The following PRR12 variants were observed in gnomAD, a reference collection of about 807,000 sequenced individuals.
PRR12 encodes proline-rich protein 12.
PRR12 carries 12 observed loss-of-function variants against 138.0 expected under a neutral mutation model. That is an observed-to-expected ratio of 0.09 (90% CI 0.06 to 0.14). PRR12 has a LOEUF of 0.14. PRR12 is among the 10% of genes least tolerant of loss of function. PRR12 has a pLI of 1.00. For synonymous variants in PRR12, 1,567 were observed against 1,291.7 expected (o/e 1.21, Z -4.57); for missense variants, 2,692 against 2,861.3 (o/e 0.94, Z 1.35).
At chr19:49,602,049 G>A in intron 6 of PRR12, 131 bp downstream of exon 6, 1 of 1,140,344 alleles carries the variant, frequency 8.8e-7, no homozygotes, top group Non-Finnish European at 1.2e-6. Flanking sequence ...GGAATTTGCA[G>A]TCCTATGGGG....
In PRR12 at chr19:49,615,850, A is replaced by G. The variant is rs766390106; in HGVS notation, c.5128A>G (p.Thr1710Ala). ...PPKPETPEKT[T>A]SEKPPEQTPE... ...CAAGCCTGAGACCCCTGAAAAGACGACATCTGAGAAGCCCCCAGAGCAGAC... is the reference window on the plus strand; with the variant it reads ...CAAGCCTGAGACCCCTGAAAAGACGGCATCTGAGAAGCCCCCAGAGCAGAC... Residue 1710 changes from threonine to alanine, a missense_variant, in exon 9 of 14, where the codon ACA becomes GCA. Thr to Ala is a moderately conservative substitution (Grantham distance 58). Around this residue, in one of 11 missense-constraint regions of PRR12, gnomAD observed 259 missense variants for 265.1 expected, o/e 0.98. Transcript: ENST00000418929. 1.2e-6 allele frequency: 2 copies of G among 1,606,600 alleles called. No individual in the cohort carries two copies. The highest frequency in any genetic ancestry group is 1.7e-5 in the Admixed American group (1 of 58,578).
In PRR12 at chr19:49,596,556, G is replaced by C; in HGVS notation, c.2221G>C (p.Gly741Arg). The change falls in exon 4 of 14, where the codon GGG becomes CGG. Residue 741 changes from glycine (G) to arginine (R), a missense_variant. This residue lies in a region of PRR12 where 840 missense variants were observed against 689.8 expected (regional missense o/e 1.22). Coordinates refer to ENST00000418929, the MANE Select transcript of PRR12 (RefSeq NM_020719.3). The surrounding 1 kb of genome is among the most constrained non-coding windows in gnomAD (Gnocchi z 5.6). ...AGAGCGGGGTGGCGAGACCCCCGAG[G>C]GGCTGGCCACCTCTGTTGTCCACTA... ...GPERGGETPE[G>R]LATSVVHYGA... is the part of the protein sequence containing the mutation. The C allele has an allele frequency of 1.9e-5, 31 of 1,605,352 alleles. No individual in the cohort carries two copies. The highest frequency in any genetic ancestry group is 2.6e-5 in the Non-Finnish European group (31 of 1,176,634).
intron 6 of PRR12, among the ~76,000 whole-genome samples, chr19:49,612,757 C>T (rs567818558): frequency 6.6e-5 from 10 of 152,102 alleles, no homozygotes; most frequent in South Asian, 2.1e-4. Flanking sequence ...CTCCACCTCC[C>T]GGGTTCAAGT....
chr19:49,608,659 G>A (rs190089277), intron 6 of PRR12, among the ~76,000 whole-genome samples: 138 of 151,964 alleles, frequency 9.1e-4, no homozygotes, highest in African/African-American at 3.2e-3. Context: ...GTGAGCCACC[G>A]CGCCCGGCCT....
chr19:49,592,793 T>C (rs1438201120), intron 1 of PRR12, among the ~76,000 whole-genome samples: 1 of 152,040 alleles, frequency 6.6e-6, no homozygotes, highest in Non-Finnish European at 1.5e-5. Context: ...TCTTATTCCC[T>C]CTTCTCTCCA....
At chr19:49,605,240 T>C (rs550288838) in intron 6 of PRR12, among the ~76,000 whole-genome samples, 1 of 152,200 alleles carries the variant, frequency 6.6e-6, no homozygotes, top group East Asian at 1.9e-4. Context: ...CACCCAGCCC[T>C]GCTGGCCCTA....
At chr19:49,604,530 T>C (rs1488308949) in intron 6 of PRR12, among the ~76,000 whole-genome samples, 1 of 151,752 alleles carries the variant, frequency 6.6e-6, no homozygotes, top group Non-Finnish European at 1.5e-5. Flanking sequence ...ATACAACAAT[T>C]AGCCGGGCAT....
rs1041734478 is a variant in PRR12 at position 49,616,697 on chromosome 19, C to A, written c.5497+478C>A. On this transcript the variant is annotated intron_variant, in intron 9 of 13. Coordinates refer to ENST00000418929, the MANE Select transcript of PRR12 (RefSeq NM_020719.3). This position sits in a 1 kb window ranked among gnomAD's most constrained non-coding sequence, Gnocchi z 4.2. ...GGTGACCCTGAGAAAGAGGCATAAC[C>A]TCTTGTGCCTTAGTGACCTCACCTG... 6.6e-6 allele frequency among the ~76,000 whole-genome samples: 1 copy of A among 152,142 alleles called. No individual in the cohort carries two copies. The highest frequency in any genetic ancestry group is 2.4e-5 in the African/African-American group (1 of 41,430).
chr19:49,615,129 CAG>C (rs1291602072), intron 8 of PRR12, 120 bp downstream of exon 8: 30 of 1,415,704 alleles, frequency 2.1e-5, no homozygotes, highest in East Asian at 4.6e-5. Context: ...AGACAGAGCC[CAG>C]AGAGAGAGGG....
chr19:49,609,598 CAAA>C (rs756447972), intron 6 of PRR12, among the ~76,000 whole-genome samples: 169 of 105,974 alleles, frequency 1.6e-3, no homozygotes, highest in African/African-American at 4.6e-3. Flanking sequence ...GAGACTGTCT[CAAA>C]AAAAAAAAAA....
chr19:49,606,309 T>C (rs568163083), intron 6 of PRR12, among the ~76,000 whole-genome samples: 25 of 143,374 alleles, frequency 1.7e-4, no homozygotes, highest in Admixed American at 3.5e-4. Flanking sequence ...TGGACTTTTT[T>C]TTCTTCTTTT....
At chr19:49,619,299 G>A (rs758117470) in intron 9 of PRR12, among the ~76,000 whole-genome samples, 10 of 143,094 alleles carry the variant, frequency 7.0e-5, no homozygotes, top group Non-Finnish European at 1.2e-4. Context: ...GCAGTTGTGC[G>A]ATCTCAGCTC....
intron 9 of PRR12, among the ~76,000 whole-genome samples, chr19:49,619,655 C>T (rs563569877): frequency 1.3e-5 from 2 of 149,368 alleles, no homozygotes; most frequent in African/African-American, 5.0e-5. Flanking sequence ...GATTCTCCTG[C>T]CTCAGCCTCC....
chr19:49,605,022 T>C (rs934235572), intron 6 of PRR12, among the ~76,000 whole-genome samples: 4 of 151,996 alleles, frequency 2.6e-5, no homozygotes, highest in Admixed American at 1.3e-4. Context: ...GGCTAAATTT[T>C]GTATTTTTAG....
At chr19:49,609,810 G>A (rs1431014063) in intron 6 of PRR12, among the ~76,000 whole-genome samples, 1 of 152,084 alleles carries the variant, frequency 6.6e-6, no homozygotes, top group Non-Finnish European at 1.5e-5. Flanking sequence ...GGGTGCAGGG[G>A]TGAGTTCCAT....
intron 11 of PRR12, among the ~76,000 whole-genome samples, chr19:49,624,493 G>A (rs138865559): frequency 1.3e-3 from 200 of 148,402 alleles, no homozygotes; most frequent in African/African-American, 4.4e-3. Context: ...GAATTCTGGG[G>A]TAGGTGGTTA....
rs754681881 is a variant in PRR12 at position 49,599,457 on chromosome 19, C to T, written c.3864C>T (p.Phe1288=). Residue 1288 remains phenylalanine, a synonymous_variant, in exon 5 of 14, where the codon TTC becomes TTT. Coordinates refer to ENST00000418929, the MANE Select transcript of PRR12 (RefSeq NM_020719.3). This position sits in a 1 kb window ranked among gnomAD's most constrained non-coding sequence, Gnocchi z 5.0. ...GTTTCATGGCCTCCTTCTTGGACTT[C>T]CTCAAGTCAGGCAAGCGCCACCCAC... ...KSGFMASFLD[F]LKSGKRHPPL... 1.4e-5 allele frequency: 22 copies of T among 1,604,374 alleles called. No homozygotes were observed. Among genetic ancestry groups the T allele is most frequent in the Non-Finnish European group, 1.8e-5 (21 of 1,176,182 alleles).
rs1241006021 is a variant in PRR12, at chr19:49,596,848, C to T, written c.2513C>T (p.Pro838Leu). ...GATGGGGCACCCCAGCCACCTCCAC[C>T]GCCACCCCCGCCTCCACCACCCATG... Reference protein sequence around the residue: ...TRDGAPQPPPPPPPPPPPMPL... With the variant: ...TRDGAPQPPPLPPPPPPPMPL... Residue 838 changes from proline to leucine, a missense_variant, in exon 4 of 14, where the codon CCG becomes CTG. Around this residue, in one of 11 missense-constraint regions of PRR12, gnomAD observed 840 missense variants for 689.8 expected, o/e 1.22. Coordinates refer to ENST00000418929, the MANE Select transcript of PRR12 (RefSeq NM_020719.3). This position sits in a 1 kb window ranked among gnomAD's most constrained non-coding sequence, Gnocchi z 5.6. The T allele has an allele frequency of 4.5e-6, 7 of 1,568,970 alleles. No homozygotes were observed. Among genetic ancestry groups the T allele is most frequent in the Admixed American group, 1.7e-5 (1 of 57,416 alleles).
chr19:49,620,369 C>T lies in PRR12; in HGVS notation c.5515C>T (p.Arg1839Cys), dbSNP rs773680334. 14 of 1,612,830 alleles carry T rather than the reference C, an allele frequency of 8.7e-6. No homozygotes were observed. Among genetic ancestry groups the T allele is most frequent in the African/African-American group, 2.7e-5 (2 of 74,936 alleles). The change falls in exon 10 of 14, where the codon CGT (arginine) becomes TGT (cysteine). Residue 1839 changes from arginine (R) to cysteine (C), a missense_variant. Coordinates refer to ENST00000418929, the MANE Select transcript of PRR12 (RefSeq NM_020719.3). Reference protein sequence around the residue: ...PSEDERAVPGRLLKTRAMREM... With the variant: ...PSEDERAVPGCLLKTRAMREM... Reference sequence around the variant, plus strand: ...TTCTGCAGAGCGGGCAGTACCTGGGCGTCTGCTCAAAACCAGGGCGATGCG... The same window carrying T: ...TTCTGCAGAGCGGGCAGTACCTGGGTGTCTGCTCAAAACCAGGGCGATGCG...
Sources: allele counts gnomAD v4.1 joint callset (sites outside exome capture counted in the v4.1 genomes callset), GRCh38; gene constraint gnomAD v4.1.1; regional missense constraint gnomAD v4.1.1; non-coding constraint Gnocchi (gnomAD v3.1); transcripts MANE v1.5; gene names NCBI Gene and HGNC (gene_info 2026-07-23, HGNC 2026-07-21).